IVD: variants seen among roughly 807,000 people sequenced by gnomAD.
IVD encodes isovaleryl-CoA dehydrogenase.
In IVD, 31 loss-of-function variants were observed where a neutral mutation model predicts 51.3. The ratio of observed to expected loss-of-function variants is 0.60; its 90% CI spans 0.45 to 0.81. The LOEUF (loss-of-function observed/expected upper bound fraction) is 0.81, where lower values mean the gene tolerates loss of function less well. Among genes scored for constraint, IVD ranks in the 40% least tolerant of loss-of-function variants. The pLI, the probability that IVD is intolerant of heterozygous loss-of-function variation, is 0.00. For synonymous variants in IVD, 205 were observed against 219.4 expected, an observed-to-expected ratio of 0.93 and a Z score of 0.58; for missense variants, 475 against 552.0, an observed-to-expected ratio of 0.86 and a Z score of 1.40.
chr15:40,433,958 G>A (rs1362147261), intron 8 of IVD: 1 of 456,334 alleles, frequency 2.2e-6, no homozygotes, highest in Admixed American at 2.3e-5. Context: ...GGCTCTCTGA[G>A]TAGGTTCCAG....
At chr15:40,422,492 C>A (rs1008792933), downstream of IVD, among the ~76,000 whole-genome samples, 1 of 150,370 alleles carries the variant, frequency 6.7e-6, no homozygotes, top group African/African-American at 2.4e-5. Flanking sequence ...GCCGTGTTAG[C>A]CAGGATGGTC....
downstream of IVD, among the ~76,000 whole-genome samples, chr15:40,422,860 A>G (rs1353513016): frequency 2.0e-5 from 3 of 150,576 alleles, no homozygotes; most frequent in Non-Finnish European, 3.0e-5. Flanking sequence ...TCAGCCTCCC[A>G]AAGTGCTGGG....
At position 40,409,797 on chromosome 15, in the gene IVD, C is replaced by T. The variant is rs1241494744; in HGVS notation, c.287-831C>T. On this transcript the variant is annotated intron_variant, in intron 3 of 11. Transcript: ENST00000487418. ...GCTCACCTCAAGATTTTCCCTGAGG[C>T]TGTGGCTCTCCTGTCCTGTCACCAG... Among the ~76,000 whole-genome samples the T allele has an allele frequency of 3.3e-5, 5 of 151,640 alleles. 1 individual carries two copies. The highest frequency in any genetic ancestry group is 1.2e-4 in the African/African-American group (5 of 41,384).
chr15:40,424,049 A>G (rs1021209757), downstream of IVD: 1 of 801,078 alleles, frequency 1.2e-6, no homozygotes, highest in Non-Finnish European at 1.7e-6. Flanking sequence ...CTCACCCACC[A>G]CCCAGCCACT....
chr15:40,419,167 T>C lies in IVD; in HGVS notation c.*904T>C. 7.8e-7 allele frequency: 1 copy of C among 1,289,316 alleles called. No homozygotes were observed. The highest frequency in any genetic ancestry group is 1.0e-6 in the Non-Finnish European group (1 of 988,858). The allele number at this position is 1,289,316 out of a possible 1,614,324, so 79.9% of individuals were successfully genotyped here. A position where few individuals can be genotyped will look rare whatever the true frequency, so the allele number is the denominator to read the frequency against. On this transcript the variant is annotated 3_prime_UTR_variant, in exon 12 of 12. Transcript: ENST00000487418. ...AAACAAAACAAAAAAACCCTGGCCC[T>C]TGTTTCTTCCAGTTTCTAGAGGTAT...
At chr15:40,432,183 A>T (rs1893013550) in intron 7 of IVD, among the ~76,000 whole-genome samples, 1 of 152,138 alleles carries the variant, frequency 6.6e-6, no homozygotes, top group African/African-American at 2.4e-5. Context: ...GCCTCAAGTG[A>T]TCCGCCCACC....
intron 6 of IVD, among the ~76,000 whole-genome samples, chr15:40,411,901 C>T (rs927828618): frequency 6.6e-6 from 1 of 152,152 alleles, no homozygotes; most frequent in Non-Finnish European, 1.5e-5. Flanking sequence ...ACGGTGGAGC[C>T]GTCCTCAGCG....
intron 7 of IVD, among the ~76,000 whole-genome samples, chr15:40,430,324 T>A (rs1222504421): frequency 6.6e-6 from 1 of 152,212 alleles, no homozygotes; most frequent in Non-Finnish European, 1.5e-5. Flanking sequence ...GAGGCAGATC[T>A]TAGCCAGGAA....
Position 40,421,026 on chromosome 15 carries a change from C to T in IVD, c.*2763C>T, listed in dbSNP as rs1206265409. On this transcript the variant is annotated 3_prime_UTR_variant, in exon 12 of 12. Coordinates refer to ENST00000487418, the MANE Select transcript of IVD (RefSeq NM_002225.5). ...CAGGTGGGGTTGGCTCCTCACCAAC[C>T]CCAGTTCCGTCCCATCCTGAGGGCA... 2.0e-6 allele frequency: 2 copies of T among 985,450 alleles called. No homozygotes were observed. The highest frequency in any genetic ancestry group is 1.2e-6 in the Non-Finnish European group (1 of 829,998). 61.0% of individuals were successfully genotyped at this position (985,450 alleles called of 1,614,324 possible).
chr15:40,415,079 G>A (rs1891510630), intron 8 of IVD, 97 bp downstream of exon 8: 1 of 1,409,094 alleles, frequency 7.1e-7, no homozygotes, highest in East Asian at 2.4e-5. Flanking sequence ...CGGGGCCAAA[G>A]GGAGCTGCCT....
In IVD at chr15:40,411,541, C is replaced by T; in HGVS notation, c.551-14C>T. 1.2e-6 allele frequency: 2 copies of T among 1,614,212 alleles called. No homozygotes were observed. The highest frequency in any genetic ancestry group is 1.7e-6 in the Non-Finnish European group (2 of 1,180,038). On this transcript the variant is annotated splice_polypyrimidine_tract_variant and intron_variant, in intron 5 of 11. Coordinates refer to ENST00000487418, the MANE Select transcript of IVD (RefSeq NM_002225.5). ...CAAGATGGCTTGAGCAAATAGCCAA[C>T]ATCCTGCCCTTAGGAAATCACTACA...
At position 40,411,560 on chromosome 15, in the gene IVD, C is replaced by T. The variant is rs551911271; in HGVS notation, c.556C>T (p.His186Tyr). 8 of 1,614,210 alleles carry T rather than the reference C, an allele frequency of 5.0e-6. No homozygotes were observed. In the African/African-American group the frequency reaches 9.3e-5, roughly 19 times the overall value. The part of the protein sequence containing the change: ...MKLKAEKKGN[H>Y]YILNGNKFWI... ...AGCCAACATCCTGCCCTTAGGAAAT[C>T]ACTACATCCTGAATGGCAACAAGTT... Residue 186 changes from histidine to tyrosine, a missense_variant, in exon 6 of 12, where the codon CAC (histidine) becomes TAC (tyrosine). Physicochemically the swap from His to Tyr is moderately conservative, Grantham distance 83 (BLOSUM62 2). Coordinates refer to ENST00000487418, the MANE Select transcript of IVD (RefSeq NM_002225.5).
At chr15:40,413,173 GT>G in intron 7 of IVD, 86 bp downstream of exon 7, 1 of 1,078,568 alleles carries the variant, frequency 9.3e-7, no homozygotes, top group Non-Finnish European at 1.4e-6. Context: ...AAGCCTCTGG[GT>G]TAGAGAGGCT....
In IVD at chr15:40,420,444, C is replaced by A; in HGVS notation, c.*2181C>A. On this transcript the variant is annotated 3_prime_UTR_variant, in exon 12 of 12. Transcript: ENST00000487418. ...ATTTTGTATTAAATATATTGTGAAA[C>A]AAACCTATCTGGGGAGAAGCAATCT... 1.0e-6 allele frequency: 1 copy of A among 987,632 alleles called. No homozygotes were observed. 61.2% of individuals were successfully genotyped at this position (987,632 alleles called of 1,614,324 possible).
intron 3 of IVD, 37 bp downstream of exon 3, chr15:40,408,027 T>A: frequency 6.3e-7 from 1 of 1,582,830 alleles, no homozygotes; most frequent in Non-Finnish European, 8.7e-7. Flanking sequence ...GAACTTTTCT[T>A]ATGTGCCCTT....
intron 8 of IVD, 117 bp from the exon 9 acceptor site, chr15:40,415,284 C>A: frequency 1.1e-6 from 1 of 939,648 alleles, no homozygotes; most frequent in Non-Finnish European, 1.7e-6. Context: ...TGTGGCAAGA[C>A]TTTCTGAAGT....
rs1211505200 is a variant in IVD at position 40,416,119 on chromosome 15, G to A, written c.1002G>A (p.Met334Ile). ...GKMADMYTRL[M>I]ACRQYVYNVA... ...TGGCTGACATGTACACCCGCCTCAT[G>A]GCGTGTCGGCAGTATGTCTACAATG... Residue 334 changes from methionine to isoleucine, a missense_variant, in exon 10 of 12, where the codon ATG becomes ATA. Met to Ile is a conservative substitution (Grantham distance 10, BLOSUM62 1). Transcript: ENST00000487418. 6.2e-7 allele frequency: 1 copy of A among 1,614,262 alleles called. No individual in the cohort carries two copies. Among genetic ancestry groups the A allele is most frequent in the Non-Finnish European group, 8.5e-7 (1 of 1,180,044 alleles).
intron 3 of IVD, 131 bp downstream of exon 3, chr15:40,408,121 A>G: frequency 1.2e-6 from 1 of 807,050 alleles, no homozygotes; most frequent in East Asian, 2.6e-5. Flanking sequence ...GGACCTGTGA[A>G]AGCACCCATT....
chr15:40,412,735 A>C, intron 6 of IVD: 1 of 485,608 alleles, frequency 2.1e-6, no homozygotes, highest in Non-Finnish European at 3.8e-6. Flanking sequence ...GGCTCAGGGA[A>C]CTGAGCATAT....
Sources: allele counts gnomAD v4.1 joint callset (sites outside exome capture counted in the v4.1 genomes callset), GRCh38; gene constraint gnomAD v4.1.1; transcripts MANE v1.5; gene names NCBI Gene and HGNC (gene_info 2026-07-23, HGNC 2026-07-21).